Variants in ANKIB1 observed in about 807,000 individuals in gnomAD.
ANKIB1 encodes the protein ankyrin repeat and IBR domain containing 1, also known as ankyrin repeat and IBR domain-containing protein 1.
Under a neutral mutation model 122.1 loss-of-function variants are expected in ANKIB1, and 43 were observed. The observed-to-expected ratio is 0.35, with a 90% CI of 0.28 to 0.45. The LOEUF (loss-of-function observed/expected upper bound fraction) is 0.45, where lower values mean the gene tolerates loss of function less well. ANKIB1 is among the 20% of genes least tolerant of loss of function. The probability of loss-of-function intolerance (pLI) is 1.00; values close to 1 mark genes in which losing one functional copy is unlikely to be tolerated. For synonymous variants in ANKIB1, 390 were observed against 442.0 expected, an observed-to-expected ratio of 0.88 and a Z score of 1.48; for missense variants, 992 against 1,329.5, an observed-to-expected ratio of 0.75 and a Z score of 3.95.
chr7:92,314,863 A>G (rs995049158), intron 3 of ANKIB1, among the ~76,000 whole-genome samples: 1 of 152,176 alleles, frequency 6.6e-6, no homozygotes, highest in Non-Finnish European at 1.5e-5. Flanking sequence ...TTAGAAGATT[A>G]ATGCGCTAAT....
chr7:92,338,710 A>C (rs1585114466), intron 5 of ANKIB1, among the ~76,000 whole-genome samples: 1 of 150,434 alleles, frequency 6.6e-6, no homozygotes, highest in Admixed American at 6.6e-5. Context: ...TCAGGAGTTC[A>C]AGACCAGCCT....
chr7:92,325,368 T>A (rs774910335), intron 4 of ANKIB1, among the ~76,000 whole-genome samples: 1 of 152,184 alleles, frequency 6.6e-6, no homozygotes, highest in Admixed American at 6.5e-5. Flanking sequence ...TATTTCAGAG[T>A]ACAGCTCAGG....
At chr7:92,276,652 A>G (rs1343030873) in intron 1 of ANKIB1, among the ~76,000 whole-genome samples, 4 of 152,262 alleles carry the variant, frequency 2.6e-5, no homozygotes, top group African/African-American at 4.8e-5. Context: ...ATAAAGGTCT[A>G]TCATAGAAAG....
At chr7:92,398,172 C>A in intron 19 of ANKIB1, 40 bp from the exon 20 acceptor site, 1 of 1,523,822 alleles carries the variant, frequency 6.6e-7, no homozygotes, top group South Asian at 1.3e-5. Flanking sequence ...CAGTTTTTTT[C>A]AGTCAAATTT....
intron 12 of ANKIB1, 123 bp downstream of exon 12, chr7:92,386,766 C>G (rs1186297123): frequency 2.3e-5 from 22 of 956,408 alleles, no homozygotes; most frequent in African/African-American, 3.4e-5. Context: ...TTTATTATAG[C>G]CTTTAATTTC....
At chr7:92,270,728 GTT>G (rs397889266) in intron 1 of ANKIB1, among the ~76,000 whole-genome samples, 57 of 81,990 alleles carry the variant, frequency 7.0e-4, no homozygotes, top group African/African-American at 2.6e-3. Flanking sequence ...CATCGCTATA[GTT>G]TTTTTTTTTT....
At chr7:92,393,981 TA>T (rs1804837233) in intron 17 of ANKIB1, among the ~76,000 whole-genome samples, 1 of 152,280 alleles carries the variant, frequency 6.6e-6, no homozygotes, top group Non-Finnish European at 1.5e-5. Context: ...AATTTCATCT[TA>T]CTCTTTTTAA....
Position 92,399,142 on chromosome 7 carries a change from C to T in ANKIB1, c.*193C>T, listed in dbSNP as rs1804963119. ...AACCTTACAGGGAATTTCCTTTGTA[C>T]TTAATTGAATAGCTTTTCCCCTTTT... On this transcript the variant is annotated 3_prime_UTR_variant, in exon 20 of 20. Transcript: ENST00000265742. The T allele has an allele frequency of 2.0e-6, 1 of 503,782 alleles. No individual in the cohort carries two copies. Among genetic ancestry groups the T allele is most frequent in the South Asian group, 7.8e-5 (1 of 12,746 alleles). The allele number at this position is 503,782 out of a possible 1,614,324, so 31.2% of individuals were successfully genotyped here. A position where few individuals can be genotyped will look rare whatever the true frequency, so the allele number is the denominator to read the frequency against.
chr7:92,250,212 A>G (rs1250166344), intron 1 of ANKIB1, among the ~76,000 whole-genome samples: 1 of 152,032 alleles, frequency 6.6e-6, no homozygotes, highest in Non-Finnish European at 1.5e-5. Flanking sequence ...TGACCAACAT[A>G]GAGAAACCCC....
intron 1 of ANKIB1, among the ~76,000 whole-genome samples, chr7:92,261,306 GC>G (rs1801557999): frequency 1.4e-5 from 2 of 143,414 alleles, no homozygotes; most frequent in African/African-American, 5.2e-5. Flanking sequence ...CCGAGATCGC[GC>G]CACTGCACTC....
intron 2 of ANKIB1, among the ~76,000 whole-genome samples, chr7:92,298,769 A>T (rs1021870213): frequency 2.8e-4 from 10 of 35,752 alleles, no homozygotes; most frequent in Admixed American, 2.4e-4. Context: ...ACTTGCAGTT[A>T]AAAAAAAAAA....
chr7:92,294,805 T>A lies in ANKIB1; in HGVS notation c.-90-84T>A, dbSNP rs565597461. On this transcript the variant is annotated intron_variant, in intron 1 of 19. Coordinates refer to ENST00000265742, the MANE Select transcript of ANKIB1 (RefSeq NM_019004.2). ...GTTCCCTTATCGATGATTCCCAGATTTTTTTTAGTGTTCCTAATTGTGTTA... is the reference window on the plus strand; with the variant it reads ...GTTCCCTTATCGATGATTCCCAGATATTTTTTAGTGTTCCTAATTGTGTTA... 82 of 511,404 alleles carry A rather than the reference T, an allele frequency of 1.6e-4. 1 individual carries two copies. The South Asian group carries it at 3.6e-3, about 22-fold the overall frequency. The allele number at this position is 511,404 out of a possible 1,614,324, so 31.7% of individuals were successfully genotyped here. A position where few individuals can be genotyped will look rare whatever the true frequency, so the allele number is the denominator to read the frequency against.
At chr7:92,266,559 T>C (rs1801675123) in intron 1 of ANKIB1, among the ~76,000 whole-genome samples, 3 of 151,988 alleles carry the variant, frequency 2.0e-5, no homozygotes, top group Non-Finnish European at 2.9e-5. Flanking sequence ...AACTCACCTG[T>C]AGAAAACCCT....
intron 2 of ANKIB1, among the ~76,000 whole-genome samples, chr7:92,302,818 T>C (rs1802483172): frequency 6.6e-6 from 1 of 152,182 alleles, no homozygotes; most frequent in South Asian, 2.1e-4. Flanking sequence ...ACAGGTCTCC[T>C]CTCCCAACCC....
At chr7:92,344,193 G>GTTTTTTTTT (rs67933063) in intron 6 of ANKIB1, among the ~76,000 whole-genome samples, 3 of 97,680 alleles carry the variant, frequency 3.1e-5, no homozygotes, top group African/African-American at 4.2e-5. Flanking sequence ...TGTGTTTTTG[G>GTTTTTTTTT]TTTTTTTTTT....
At chr7:92,280,568 C>T (rs941031694) in intron 1 of ANKIB1, among the ~76,000 whole-genome samples, 2 of 150,298 alleles carry the variant, frequency 1.3e-5, no homozygotes, top group Non-Finnish European at 3.0e-5. Context: ...ACATTTTTTG[C>T]CCACTCAGTG....
intron 1 of ANKIB1, among the ~76,000 whole-genome samples, chr7:92,254,040 C>G (rs749772688): frequency 6.6e-6 from 1 of 152,128 alleles, no homozygotes; most frequent in Non-Finnish European, 1.5e-5. Context: ...GGAAGCTGGT[C>G]TAGTGTAAGG....
intron 1 of ANKIB1, among the ~76,000 whole-genome samples, chr7:92,251,151 A>C (rs1801322141): frequency 6.6e-6 from 1 of 152,220 alleles, no homozygotes; most frequent in Admixed American, 6.5e-5. Context: ...TTGGAGGTAG[A>C]ATTCCTGTTC....
intron 7 of ANKIB1, among the ~76,000 whole-genome samples, chr7:92,349,334 T>TGGGGATTCTCTTTTCTATGAATTGCCC (rs1318272307): frequency 9.2e-5 from 14 of 152,080 alleles, no homozygotes; most frequent in Non-Finnish European, 1.6e-4. Context: ...AACTGACTGT[T>TGGGGATTCTCTTTTCTATGAATTGCCC]GGGGATTCTC....
Sources: allele counts gnomAD v4.1 joint callset (sites outside exome capture counted in the v4.1 genomes callset), GRCh38; gene constraint gnomAD v4.1.1; transcripts MANE v1.5; gene names NCBI Gene and HGNC (gene_info 2026-07-23, HGNC 2026-07-21).